The following NCALD variants were observed in gnomAD, a reference collection of about 807,000 sequenced individuals.
NCALD encodes the protein neurocalcin-delta.
Under a neutral mutation model 18.6 loss-of-function variants are expected in NCALD, and 10 were observed. The observed-to-expected ratio is 0.54, with a 90% confidence interval of 0.33 to 0.91. The LOEUF is 0.91. NCALD is among the 40% of genes least tolerant of loss of function. The pLI is 0.03. For synonymous variants in NCALD, 88 were observed against 87.4 expected (o/e 1.01, Z -0.04); for missense variants, 184 against 247.6 (o/e 0.74, Z 1.72).
chr8:101,916,763 A>G (rs11997754), intron 2 of NCALD, among the ~76,000 whole-genome samples: 7,075 of 152,122 alleles, frequency 0.047, 259 homozygotes, highest in African/African-American at 0.1. Flanking sequence ...GACAAAGAAG[A>G]GCATTATGTA....
intron 3 of NCALD, among the ~76,000 whole-genome samples, chr8:101,900,857 A>C (rs1817395033): frequency 6.6e-6 from 1 of 151,970 alleles, no homozygotes; most frequent in South Asian, 2.1e-4. Flanking sequence ...GTTGATTGAT[A>C]ATGTTATGGT....
intron 4 of NCALD, among the ~76,000 whole-genome samples, chr8:101,885,829 G>C (rs561707514): frequency 1.1e-4 from 16 of 152,280 alleles, no homozygotes; most frequent in African/African-American, 3.8e-4. Flanking sequence ...TCCTACTCAA[G>C]CTTTACTGTC....
chr8:101,709,064 G>A (rs566496245), intron 2 of NCALD, among the ~76,000 whole-genome samples: 1 of 152,248 alleles, frequency 6.6e-6, no homozygotes, highest in South Asian at 2.1e-4. Flanking sequence ...AAGGAATGAA[G>A]GGACTTATTG....
intron 2 of NCALD, among the ~76,000 whole-genome samples, chr8:101,951,913 G>A (rs1426251442): frequency 1.3e-5 from 2 of 152,200 alleles, no homozygotes; most frequent in South Asian, 4.1e-4. Flanking sequence ...CCAGAGCATG[G>A]AGTCCAATGT....
chr8:101,848,080 T>C (rs1390469001), intron 4 of NCALD, among the ~76,000 whole-genome samples: 1 of 152,050 alleles, frequency 6.6e-6, no homozygotes, highest in Non-Finnish European at 1.5e-5. Flanking sequence ...GACAAGCATG[T>C]GGTTTTGGTC....
chr8:101,756,476 T>A (rs1281719728), intron 1 of NCALD, among the ~76,000 whole-genome samples: 2 of 152,214 alleles, frequency 1.3e-5, no homozygotes, highest in Non-Finnish European at 2.9e-5. Flanking sequence ...CGCCACTGTG[T>A]GGCAGTGAAA....
intron 2 of NCALD, among the ~76,000 whole-genome samples, chr8:102,009,698 C>A (rs2132060445): frequency 6.6e-6 from 1 of 152,294 alleles, no homozygotes; most frequent in South Asian, 2.1e-4. Context: ...TTATTCTCAG[C>A]CTGCAAGGTA....
chr8:102,077,856 G>C (rs991909097), intron 1 of NCALD, among the ~76,000 whole-genome samples: 1 of 152,104 alleles, frequency 6.6e-6, no homozygotes, highest in Admixed American at 6.6e-5. Context: ...TCTAGATATC[G>C]GGGTACCCCA....
At chr8:102,104,372 C>T (rs1825381597) in intron 1 of NCALD, among the ~76,000 whole-genome samples, 1 of 152,092 alleles carries the variant, frequency 6.6e-6, no homozygotes, top group Admixed American at 6.5e-5. Context: ...AGCAAGAGCC[C>T]TTCAAGTCTT....
chr8:102,060,683 A>G (rs1033731307), intron 1 of NCALD, among the ~76,000 whole-genome samples: 1 of 152,142 alleles, frequency 6.6e-6, no homozygotes, highest in Non-Finnish European at 1.5e-5. Context: ...CAAGTACGGA[A>G]AATTCAACAG....
intron 2 of NCALD, among the ~76,000 whole-genome samples, chr8:102,001,626 A>G (rs1180792765): frequency 3.9e-5 from 6 of 152,298 alleles, no homozygotes; most frequent in African/African-American, 1.2e-4. Flanking sequence ...CAGCCAGAGA[A>G]AAAGGTCGGG....
intron 4 of NCALD, among the ~76,000 whole-genome samples, chr8:101,799,188 TA>T (rs202006006): frequency 3.3e-4 from 50 of 151,494 alleles, no homozygotes; most frequent in African/African-American, 8.7e-4. Context: ...CAAACAAGTA[TA>T]AAAAAAAATT....
rs529261299 is a variant in NCALD at position 102,055,595 on chromosome 8, G to C, written c.-209-35306C>G. ...TGGTGCCAAATGAACCCTTTTGATG[G>C]AACTAGCCAGTTCTGTTGAATAGTC... On this transcript the variant is annotated intron_variant, in intron 1 of 6. Transcript: ENST00000311028. 2.6e-5 allele frequency among the ~76,000 whole-genome samples: 4 copies of C among 152,260 alleles called. No homozygotes were observed. The East Asian group carries it at 7.7e-4, about 29-fold the overall frequency.
chr8:101,732,842 G>A (rs1041455571), intron 1 of NCALD, among the ~76,000 whole-genome samples: 10 of 152,098 alleles, frequency 6.6e-5, no homozygotes, highest in Admixed American at 2.0e-4. Context: ...GGCCTCAAGT[G>A]ATCTGCCTGC....
At chr8:101,691,231 C>G in intron 3 of NCALD, 1 of 985,268 alleles carries the variant, frequency 1.0e-6, no homozygotes, top group Non-Finnish European at 1.2e-6. Flanking sequence ...CCCTCTTCCT[C>G]CTTCCTTCTA....
chr8:101,843,583 T>G (rs1012867580), intron 4 of NCALD, among the ~76,000 whole-genome samples: 1 of 87,594 alleles, frequency 1.1e-5, no homozygotes, highest in Non-Finnish European at 2.2e-5. Flanking sequence ...TTAAAAATTG[T>G]TTTTTTTTTT....
rs543752493 is a variant in NCALD at position 101,991,494 on chromosome 8, T to G, written c.-157+28743A>C. 4.3e-4 allele frequency among the ~76,000 whole-genome samples: 66 copies of G among 152,284 alleles called. 1 individual carries two copies. In the South Asian group the frequency reaches 0.011, roughly 24 times the overall value. On this transcript the variant is annotated intron_variant, in intron 2 of 6. Transcript: ENST00000311028. ...AATTTGGGGAGGAAGAAAACTAATT[T>G]TGAAGGATTCAGAAGGTTACAAAAA...
At chr8:101,851,396 TAGTA>T (rs770864490) in intron 4 of NCALD, among the ~76,000 whole-genome samples, 1 of 151,876 alleles carries the variant, frequency 6.6e-6, no homozygotes, top group African/African-American at 2.4e-5. Context: ...AAAATACAAA[TAGTA>T]AGTGTGATAA....
chr8:101,759,243 A>G (rs1311489216), intron 1 of NCALD, among the ~76,000 whole-genome samples: 1 of 152,224 alleles, frequency 6.6e-6, no homozygotes, highest in Non-Finnish European at 1.5e-5. Flanking sequence ...GCTGATTTAT[A>G]TAGTACTTCC....
Sources: gnomAD v4.1 joint callset for allele counts (sites outside exome capture counted in the v4.1 genomes callset) on GRCh38, gnomAD v4.1.1 for gene constraint, MANE v1.5 for transcripts, NCBI Gene and HGNC (gene_info 2026-07-23, HGNC 2026-07-21) for gene names.